OTOGL: variants seen among roughly 807,000 people sequenced by gnomAD.
The protein encoded by OTOGL is otogelin-like protein.
In OTOGL, 285 loss-of-function variants were observed where a neutral mutation model predicts 318.5. The ratio of observed to expected loss-of-function variants is 0.89; its 90% CI spans 0.81 to 0.99. The LOEUF (loss-of-function observed/expected upper bound fraction) is 0.99, where lower values mean the gene tolerates loss of function less well. Among genes scored for constraint, OTOGL ranks in the 50% least tolerant of loss-of-function variants. The pLI, the probability that OTOGL is intolerant of heterozygous loss-of-function variation, is 0.00. For synonymous variants in OTOGL, 987 were observed against 936.5 expected (o/e 1.05, Z -0.99); for missense variants, 2,899 against 2,845.6 (o/e 1.02, Z -0.43).
At chr12:80,193,719 T>A (rs1875855493) in intron 1 of OTOGL, among the ~76,000 whole-genome samples, 1 of 152,136 alleles carries the variant, frequency 6.6e-6, no homozygotes, top group Non-Finnish European at 1.5e-5. Flanking sequence ...CAGGAAGCTA[T>A]GGATGTTCTT....
chr12:80,378,279 T>A lies in OTOGL; in HGVS notation c.*231T>A, dbSNP rs1891285075. ...ATCAAATGACTGTAAGTTGTTCAGCTGAAATGCTGTTATGTATTTAATTAC... is the reference window on the plus strand; with the variant it reads ...ATCAAATGACTGTAAGTTGTTCAGCAGAAATGCTGTTATGTATTTAATTAC... On this transcript the variant is annotated 3_prime_UTR_variant, in exon 59 of 59. Coordinates refer to ENST00000547103, the MANE Select transcript of OTOGL (RefSeq NM_001378609.3). 2 of 416,204 alleles carry A rather than the reference T, an allele frequency of 4.8e-6. No individual in the cohort carries two copies. Among genetic ancestry groups the A allele is most frequent in the Admixed American group, 4.0e-5 (1 of 24,696 alleles). 25.8% of individuals were successfully genotyped at this position (416,204 alleles called of 1,614,324 possible).
chr12:80,124,216 A>C (rs1870667775), intron 1 of OTOGL, among the ~76,000 whole-genome samples: 2 of 152,148 alleles, frequency 1.3e-5, no homozygotes, highest in East Asian at 3.9e-4. Context: ...ATTTTTGTAT[A>C]AGGTGTAAGG....
intron 18 of OTOGL, 33 bp downstream of exon 18, chr12:80,258,035 A>G: frequency 6.7e-7 from 1 of 1,500,050 alleles, no homozygotes; most frequent in Non-Finnish European, 8.8e-7. Flanking sequence ...TAACATACTT[A>G]ATGACTGGTC....
At chr12:80,278,362 T>A in intron 25 of OTOGL, 87 bp downstream of exon 25, 1 of 1,106,868 alleles carries the variant, frequency 9.0e-7, no homozygotes, top group Non-Finnish European at 1.3e-6. Context: ...GAGACTGACA[T>A]CAGCAAAAAG....
intron 1 of OTOGL, among the ~76,000 whole-genome samples, chr12:80,139,028 C>T (rs771067947): frequency 6.6e-5 from 10 of 152,104 alleles, no homozygotes; most frequent in Non-Finnish European, 1.3e-4. Flanking sequence ...TCCCACACTC[C>T]CTTATAGCGA....
At chr12:80,215,904 G>A (rs1239346179) in intron 4 of OTOGL, among the ~76,000 whole-genome samples, 2 of 152,204 alleles carry the variant, frequency 1.3e-5, no homozygotes, top group African/African-American at 2.4e-5. Context: ...AAAAAGGGGA[G>A]ATTGAACAGT....
intron 1 of OTOGL, among the ~76,000 whole-genome samples, chr12:80,199,968 C>G (rs534629332): frequency 6.6e-6 from 1 of 152,244 alleles, no homozygotes; most frequent in African/African-American, 2.4e-5. Context: ...ATCTCATTTC[C>G]CATTACACTT....
chr12:80,268,618 C>T (rs944504914), intron 22 of OTOGL, among the ~76,000 whole-genome samples: 5 of 152,214 alleles, frequency 3.3e-5, no homozygotes, highest in African/African-American at 1.2e-4. Flanking sequence ...ACACAGTTTC[C>T]CAAGCCAGAG....
intron 1 of OTOGL, among the ~76,000 whole-genome samples, chr12:80,196,009 T>C (rs1876040053): frequency 6.6e-6 from 1 of 152,224 alleles, no homozygotes; most frequent in Non-Finnish European, 1.5e-5. Context: ...CCAGCCCAGC[T>C]GGTATGCAAA....
chr12:80,313,396 C>A, intron 30 of OTOGL, 80 bp from the exon 31 acceptor site: 1 of 1,364,680 alleles, frequency 7.3e-7, no homozygotes, highest in Non-Finnish European at 1.0e-6. Context: ...ACTTTGAAAA[C>A]ACATAGTTTT....
chr12:80,148,298 C>T (rs1872544872), intron 1 of OTOGL, among the ~76,000 whole-genome samples: 1 of 146,256 alleles, frequency 6.8e-6, no homozygotes, highest in Admixed American at 6.9e-5. Flanking sequence ...TATTTTATTT[C>T]TCCTTCACTT....
intron 1 of OTOGL, among the ~76,000 whole-genome samples, chr12:80,180,724 T>C (rs1874862535): frequency 6.6e-6 from 1 of 152,214 alleles, no homozygotes; most frequent in South Asian, 2.1e-4. Context: ...ATAATGTTTT[T>C]TTTGCCAGTG....
chr12:80,189,817 A>G (rs938886672), intron 1 of OTOGL, among the ~76,000 whole-genome samples: 3 of 152,172 alleles, frequency 2.0e-5, no homozygotes, highest in African/African-American at 7.2e-5. Context: ...TTCTTTGCGC[A>G]GGAGTAATTT....
intron 1 of OTOGL, among the ~76,000 whole-genome samples, chr12:80,123,359 G>A (rs148301151): frequency 7.9e-4 from 121 of 152,242 alleles, no homozygotes; most frequent in African/African-American, 2.9e-3. Context: ...CAAAGGACAT[G>A]AACTCATCAT....
intron 1 of OTOGL, among the ~76,000 whole-genome samples, chr12:80,186,369 C>A (rs1391862921): frequency 6.6e-6 from 1 of 152,136 alleles, no homozygotes; most frequent in Non-Finnish European, 1.5e-5. Flanking sequence ...TTTCTCTCTG[C>A]CATCCCTCTG....
At chr12:80,150,113 A>T (rs1379972494) in intron 1 of OTOGL, among the ~76,000 whole-genome samples, 1 of 152,188 alleles carries the variant, frequency 6.6e-6, no homozygotes, top group African/African-American at 2.4e-5. Context: ...AAACCAAAAA[A>T]ATGAATGCCA....
chr12:80,192,570 TA>T (rs1228684811), intron 1 of OTOGL, among the ~76,000 whole-genome samples: 2 of 152,128 alleles, frequency 1.3e-5, no homozygotes, highest in African/African-American at 4.8e-5. Context: ...AGATTTTACA[TA>T]AAAAAAGGAA....
intron 1 of OTOGL, among the ~76,000 whole-genome samples, chr12:80,110,896 A>C (rs1480194078): frequency 1.3e-5 from 2 of 152,170 alleles, no homozygotes; most frequent in African/African-American, 4.8e-5. Flanking sequence ...CTATTTCTCC[A>C]CATCCTCTCC....
chr12:80,126,657 A>T (rs1353719619), intron 1 of OTOGL, among the ~76,000 whole-genome samples: 3 of 152,036 alleles, frequency 2.0e-5, no homozygotes, highest in African/African-American at 7.2e-5. Flanking sequence ...ATCTCCCGTT[A>T]TTATTGTGTG....
Sources: gnomAD v4.1 joint callset for allele counts (sites outside exome capture counted in the v4.1 genomes callset) on GRCh38, gnomAD v4.1.1 for gene constraint, MANE v1.5 for transcripts, NCBI Gene and HGNC (gene_info 2026-07-23, HGNC 2026-07-21) for gene names.